Variants in RAB28 observed in about 807,000 individuals in gnomAD.
RAB28 encodes the protein RAB28, member RAS oncogene family, also known as ras-related protein Rab-28.
A neutral mutation model predicts 31.7 loss-of-function variants in RAB28; 24 were observed. The ratio of observed to expected loss-of-function variants is 0.76; its 90% CI spans 0.55 to 1.06. The LOEUF is 1.06. Ranked by LOEUF, RAB28 falls within the 50% of genes least tolerant of loss-of-function variation. The pLI is 0.00. For synonymous variants in RAB28, 100 were observed against 90.4 expected (o/e 1.11, Z -0.60); for missense variants, 254 against 258.5 (o/e 0.98, Z 0.12).
intron 4 of RAB28, among the ~76,000 whole-genome samples, chr4:13,413,694 T>C (rs80081094): frequency 1.2e-4 from 18 of 152,112 alleles, no homozygotes; most frequent in African/African-American, 3.9e-4. Context: ...AAAGAAGAGA[T>C]AGTTTTTTTA....
chr4:13,404,452 A>G (rs1369476197), intron 4 of RAB28, among the ~76,000 whole-genome samples: 2 of 152,218 alleles, frequency 1.3e-5, no homozygotes, highest in Non-Finnish European at 2.9e-5. Context: ...TTCCTAACAG[A>G]AAACCACTTT....
chr4:13,450,585 A>ATT (rs1714916545), intron 4 of RAB28, among the ~76,000 whole-genome samples: 1 of 151,976 alleles, frequency 6.6e-6, no homozygotes, highest in African/African-American at 2.4e-5. Flanking sequence ...GCACTGTTGT[A>ATT]AGTGATGAGA....
At chr4:13,396,493 T>TA (rs1729878565) in intron 4 of RAB28, among the ~76,000 whole-genome samples, 1 of 152,074 alleles carries the variant, frequency 6.6e-6, no homozygotes, top group African/African-American at 2.4e-5. Flanking sequence ...CATGCCATAT[T>TA]AGAAGAATTG....
At chr4:13,371,872 G>A in intron 6 of RAB28, 2 of 1,536,150 alleles carry the variant, frequency 1.3e-6, no homozygotes, top group Non-Finnish European at 1.8e-6. Flanking sequence ...ATGGCCCTAA[G>A]AGGAAAAGAG....
intron 4 of RAB28, among the ~76,000 whole-genome samples, chr4:13,404,263 A>G (rs901335199): frequency 1.3e-5 from 2 of 152,300 alleles, no homozygotes; most frequent in Admixed American, 6.5e-5. Flanking sequence ...CTATAATCCC[A>G]GCTACTTGGG....
intron 4 of RAB28, among the ~76,000 whole-genome samples, chr4:13,402,158 T>C (rs561496603): frequency 6.6e-6 from 1 of 152,368 alleles, no homozygotes; most frequent in Admixed American, 6.5e-5. Context: ...TATGGAAGAA[T>C]ATGGTCTATC....
chr4:13,409,982 C>T (rs1184268718), intron 4 of RAB28, among the ~76,000 whole-genome samples: 2 of 151,890 alleles, frequency 1.3e-5, no homozygotes, highest in Non-Finnish European at 2.9e-5. Context: ...TTAGCACCAT[C>T]CCCCTAGTGC....
At chr4:13,372,828 G>A (rs1728766758) in intron 6 of RAB28, among the ~76,000 whole-genome samples, 1 of 151,962 alleles carries the variant, frequency 6.6e-6, no homozygotes. Context: ...ACAATAATAT[G>A]CAAATTAAGG....
At chr4:13,398,367 T>C (rs548281284) in intron 4 of RAB28, among the ~76,000 whole-genome samples, 1 of 152,104 alleles carries the variant, frequency 6.6e-6, no homozygotes, top group African/African-American at 2.4e-5. Flanking sequence ...ACTAGGTAGA[T>C]ACAATGAGGC....
chr4:13,414,646 G>C (rs994728250), intron 4 of RAB28, among the ~76,000 whole-genome samples: 1 of 152,046 alleles, frequency 6.6e-6, no homozygotes, highest in African/African-American at 2.4e-5. Flanking sequence ...AGACAAGGCT[G>C]GTACAAACTT....
intron 4 of RAB28, among the ~76,000 whole-genome samples, chr4:13,420,331 A>T (rs182805919): frequency 8.1e-4 from 123 of 152,346 alleles, no homozygotes; most frequent in African/African-American, 2.9e-3. Context: ...CAGAGGTACA[A>T]AGAGGAGCTG....
At chr4:13,400,998 T>C (rs1410079207) in intron 4 of RAB28, among the ~76,000 whole-genome samples, 1 of 152,206 alleles carries the variant, frequency 6.6e-6, no homozygotes, top group Non-Finnish European at 1.5e-5. Context: ...TGTATTTATG[T>C]TCATGAGGAA....
intron 4 of RAB28, among the ~76,000 whole-genome samples, chr4:13,385,013 T>C (rs1008765511): frequency 1.3e-5 from 2 of 152,174 alleles, no homozygotes; most frequent in Admixed American, 1.3e-4. Flanking sequence ...AGAATATAGC[T>C]GACCTGATAG....
Position 13,371,651 on chromosome 4 carries a change from C to T in RAB28, c.574-3001G>A. 4.1e-6 allele frequency: 6 copies of T among 1,462,818 alleles called. No homozygotes were observed. The South Asian group carries it at 7.1e-5, about 17-fold the overall frequency. The allele number at this position is 1,462,818 out of a possible 1,614,324, so 90.6% of individuals were successfully genotyped here. On this transcript the variant is annotated intron_variant, in intron 6 of 6. Coordinates refer to ENST00000330852, the MANE Select transcript of RAB28 (RefSeq NM_001017979.3). ...ACTGTAAGCCATAACCAAGGCTCTG[C>T]AGATTCCAAATTTCACTTTCTATGA... is the stretch of plus-strand genomic sequence containing the variant.
rs543796830 is a variant in RAB28 at position 13,421,943 on chromosome 4, C to G, written c.391+38756G>C. On this transcript the variant is annotated intron_variant, in intron 4 of 6. Transcript: ENST00000330852. ...AAGAGCTTCTGCACAGCAAAAGAAA[C>G]TACCATCAGAGTGAACAGGCAACCT... Among the ~76,000 whole-genome samples the G allele has an allele frequency of 3.9e-5, 6 of 152,148 alleles. No individual in the cohort carries two copies. In the South Asian group the frequency reaches 1.2e-3, roughly 32 times the overall value.
chr4:13,406,976 T>A (rs1391462219), intron 4 of RAB28, among the ~76,000 whole-genome samples: 1 of 152,232 alleles, frequency 6.6e-6, no homozygotes, highest in East Asian at 1.9e-4. Context: ...ATAGTTTCTT[T>A]TGCTGTGCAG....
chr4:13,472,549 G>C (rs1716168829), intron 3 of RAB28, among the ~76,000 whole-genome samples: 1 of 151,764 alleles, frequency 6.6e-6, no homozygotes, highest in Non-Finnish European at 1.5e-5. Context: ...AATGCATAAA[G>C]TCCTCCTGTT....
rs146804418 is a variant in RAB28 at position 13,454,656 on chromosome 4, G to A, written c.391+6043C>T. ...CAAGGCTGAGAGAGTATGTGGCAGC[G>A]ATGGTGCAACTTTGCCATGGGTGGG... On this transcript the variant is annotated intron_variant, in intron 4 of 6. Transcript: ENST00000330852. Among the ~76,000 whole-genome samples, 707 of 152,302 alleles carry A rather than the reference G, an allele frequency of 4.6e-3. 5 individuals are homozygous for A. Among genetic ancestry groups the A allele is most frequent in the Non-Finnish European group, 5.0e-3 (339 of 68,032 alleles).
intron 1 of RAB28, among the ~76,000 whole-genome samples, chr4:13,483,659 C>G (rs916152683): frequency 1.3e-5 from 2 of 152,196 alleles, no homozygotes; most frequent in African/African-American, 4.8e-5. Context: ...AATACTGATT[C>G]CAGAGCTACG....
Sources: allele counts gnomAD v4.1 joint callset (sites outside exome capture counted in the v4.1 genomes callset), GRCh38; gene constraint gnomAD v4.1.1; transcripts MANE v1.5; gene names NCBI Gene and HGNC (gene_info 2026-07-23, HGNC 2026-07-21).